DMD: variants seen among roughly 807,000 people sequenced by gnomAD.
The protein encoded by DMD is dystrophin.
Under a neutral mutation model 330.1 loss-of-function variants are expected in DMD, and 63 were observed. That is an observed-to-expected ratio of 0.19 (90% CI 0.16 to 0.24). The LOEUF (loss-of-function observed/expected upper bound fraction) is 0.24. Ranked by LOEUF, DMD falls within the 10% of genes least tolerant of loss-of-function variation. DMD has a pLI of 1.00. For synonymous variants in DMD, 1,223 were observed against 959.8 expected (o/e 1.27, Z -5.07); for missense variants, 3,344 against 2,684.1 (o/e 1.25, Z -5.43).
At chrX:31,856,336 T>C (rs987333664) in intron 48 of DMD, among the ~76,000 whole-genome samples, 1 of 112,287 alleles carries the variant, frequency 8.9e-6, no homozygotes, top group Non-Finnish European at 1.9e-5. Flanking sequence ...TTCTCATATG[T>C]CTATCTGAGG....
rs370675590 is a variant in DMD at position 31,765,854 on chromosome X, C to A, written c.7542+8106G>T. Among the ~76,000 whole-genome samples the A allele has an allele frequency of 6.3e-5, 7 of 110,846 alleles. No individual in the cohort carries two copies. The East Asian group carries it at 1.1e-3, about 18-fold the overall frequency. Reference sequence around the variant, plus strand: ...TTCTCCTTTCTTAATAGTCTTCAACCTGACTCTAGAGTGCTTTGTAACATG... The same window carrying A: ...TTCTCCTTTCTTAATAGTCTTCAACATGACTCTAGAGTGCTTTGTAACATG... On this transcript the variant is annotated intron_variant, in intron 51 of 78. Transcript: ENST00000357033.
At chrX:31,879,781 T>C (rs1317238378) in intron 47 of DMD, among the ~76,000 whole-genome samples, 3 of 112,006 alleles carry the variant, frequency 2.7e-5, no homozygotes. Flanking sequence ...GTGTGAGTAA[T>C]GTATAACGTG....
chrX:32,104,704 C>G (rs2096556467), intron 44 of DMD, among the ~76,000 whole-genome samples: 1 of 111,364 alleles, frequency 9.0e-6, no homozygotes, highest in African/African-American at 3.3e-5. Flanking sequence ...ATGGCCACAC[C>G]AGAAGACCTA....
At chrX:31,943,375 C>T (rs892721051) in intron 45 of DMD, among the ~76,000 whole-genome samples, 2 of 112,388 alleles carry the variant, frequency 1.8e-5, no homozygotes, top group African/African-American at 3.2e-5. Context: ...TTGAAACAAT[C>T]ATGAGCACTT....
chrX:32,697,828 CA>C (rs759326302), intron 9 of DMD, 41 bp downstream of exon 9: 1 of 1,206,544 alleles, frequency 8.3e-7, no homozygotes, highest in Admixed American at 2.2e-5. Context: ...ATCTTGGAAG[CA>C]GTTCTCTGGT....
intron 55 of DMD, among the ~76,000 whole-genome samples, chrX:31,544,856 T>C (rs1169644587): frequency 9.0e-6 from 1 of 111,192 alleles, no homozygotes; most frequent in Non-Finnish European, 1.9e-5. Flanking sequence ...AGGTTTCGGG[T>C]TCTCAGAAAA....
At chrX:33,008,821 T>TAC (rs1569548688) in intron 2 of DMD, among the ~76,000 whole-genome samples, 1 of 56,403 alleles carries the variant, frequency 1.8e-5, no homozygotes, top group Admixed American at 1.8e-4. Flanking sequence ...TACACATAAA[T>TAC]GTATACGTAT....
chrX:31,945,750 T>A (rs1211826488), intron 45 of DMD, among the ~76,000 whole-genome samples: 1 of 111,973 alleles, frequency 8.9e-6, no homozygotes, highest in South Asian at 3.8e-4. Context: ...AGAACTTTCA[T>A]AGGTATGTTG....
chrX:32,972,202 G>C lies in DMD; in HGVS notation c.93+47937C>G, dbSNP rs764812027. ...AATTTTTTTGGTTTTTTTTAAGATA[G>C]GGTCTTGCTCTGTAGCCCAGGCTGG... On this transcript the variant is annotated intron_variant, in intron 2 of 78. Transcript: ENST00000357033. 4.5e-5 allele frequency among the ~76,000 whole-genome samples: 5 copies of C among 110,920 alleles called. No homozygotes were observed. In the East Asian group the frequency reaches 1.4e-3, roughly 32 times the overall value.
chrX:31,645,326 T>C (rs1346618036), intron 54 of DMD, among the ~76,000 whole-genome samples: 3 of 112,040 alleles, frequency 2.7e-5, no homozygotes, highest in African/African-American at 6.5e-5. Context: ...ATGATTCAAA[T>C]AGGCTCTGCC....
chrX:32,421,845 C>A (rs983198209), intron 29 of DMD, among the ~76,000 whole-genome samples: 2 of 111,624 alleles, frequency 1.8e-5, no homozygotes, highest in African/African-American at 6.5e-5. Flanking sequence ...AAGATGTGGA[C>A]AATGCCTACA....
At chrX:31,134,577 C>T (rs755716953) in intron 76 of DMD, among the ~76,000 whole-genome samples, 6 of 110,912 alleles carry the variant, frequency 5.4e-5, no homozygotes, top group Non-Finnish European at 1.1e-4. Context: ...CATGCGCCAA[C>T]ACGTCCAGCT....
intron 60 of DMD, among the ~76,000 whole-genome samples, chrX:31,433,779 G>A (rs1287253788): frequency 9.0e-6 from 1 of 111,390 alleles, no homozygotes; most frequent in Non-Finnish European, 1.9e-5. Flanking sequence ...TGGAGTTTTG[G>A]CAAAACTATT....
At chrX:33,012,718 T>A (rs1002000024) in intron 2 of DMD, among the ~76,000 whole-genome samples, 23 of 111,302 alleles carry the variant, frequency 2.1e-4, no homozygotes, top group African/African-American at 7.5e-4. Flanking sequence ...TAGGTTTGTG[T>A]GAAATGATTT....
At chrX:32,703,920 C>T (rs1311734704) in intron 7 of DMD, among the ~76,000 whole-genome samples, 2 of 111,350 alleles carry the variant, frequency 1.8e-5, no homozygotes, top group East Asian at 2.8e-4. Flanking sequence ...ATTACATGAA[C>T]GTAATTTTAC....
intron 63 of DMD, among the ~76,000 whole-genome samples, chrX:31,229,020 CAAGT>C (rs1328249234): frequency 8.9e-6 from 1 of 111,990 alleles, no homozygotes; most frequent in Non-Finnish European, 1.9e-5. Flanking sequence ...AAACATGAAA[CAAGT>C]AATAGGCTTC....
At chrX:32,690,248 G>A (rs1402585485) in intron 9 of DMD, among the ~76,000 whole-genome samples, 1 of 110,806 alleles carries the variant, frequency 9.0e-6, no homozygotes, top group African/African-American at 3.3e-5. Context: ...GAGTTTCTAG[G>A]AGACAAATTC....
At chrX:32,154,388 C>T (rs1051588193) in intron 44 of DMD, among the ~76,000 whole-genome samples, 8 of 111,896 alleles carry the variant, frequency 7.1e-5, no homozygotes, top group African/African-American at 2.6e-4. Flanking sequence ...TTTACATAAC[C>T]GTATGTTAAT....
intron 2 of DMD, among the ~76,000 whole-genome samples, chrX:32,892,719 T>G (rs1269275185): frequency 8.9e-6 from 1 of 111,870 alleles, no homozygotes; most frequent in East Asian, 2.8e-4. Flanking sequence ...TTCATAACAT[T>G]ACACACCAAG....
Sources: gnomAD v4.1 joint callset for allele counts (sites outside exome capture counted in the v4.1 genomes callset) on GRCh38, gnomAD v4.1.1 for gene constraint, MANE v1.5 for transcripts, NCBI Gene and HGNC (gene_info 2026-07-23, HGNC 2026-07-21) for gene names.